ADGRL2: variants seen among roughly 807,000 people sequenced by gnomAD.
The protein encoded by ADGRL2 is calcium-independent alpha-latrotoxin receptor 2.
ADGRL2 carries 44 observed loss-of-function variants against 157.4 expected under a neutral mutation model. The ratio of observed to expected loss-of-function variants is 0.28; its 90% CI spans 0.22 to 0.36. The LOEUF (loss-of-function observed/expected upper bound fraction) is 0.36, where lower values mean the gene tolerates loss of function less well. Ranked by LOEUF, ADGRL2 falls within the 10% of genes least tolerant of loss-of-function variation. The pLI, the probability that ADGRL2 is intolerant of heterozygous loss-of-function variation, is 1.00. For missense variants in ADGRL2, 1,510 were observed against 1,768.9 expected, an observed-to-expected ratio of 0.85 and a Z score of 2.63; for synonymous variants, 585 against 624.7, an observed-to-expected ratio of 0.94 and a Z score of 0.95.
chr1:81,696,637 A>C (rs1455083880), upstream of ADGRL2, among the ~76,000 whole-genome samples: 1 of 152,166 alleles, frequency 6.6e-6, no homozygotes, highest in African/African-American at 2.4e-5. Flanking sequence ...CTGTAGTCCC[A>C]GCTACTCGGG....
At chr1:81,556,583 T>C (rs1364266623) in intron 2 of ADGRL2, among the ~76,000 whole-genome samples, 2 of 151,816 alleles carry the variant, frequency 1.3e-5, no homozygotes, top group South Asian at 2.1e-4. Context: ...AACTGTGTTG[T>C]CACACTAACA....
At chr1:81,314,204 C>G (rs570239171) in intron 1 of ADGRL2, among the ~76,000 whole-genome samples, 6 of 152,122 alleles carry the variant, frequency 3.9e-5, no homozygotes, top group Non-Finnish European at 8.8e-5. Context: ...ACTGCTGTGA[C>G]GTAATCTTCA....
At chr1:81,606,406 TACAGAC>T (rs2081432034) in intron 3 of ADGRL2, among the ~76,000 whole-genome samples, 1 of 152,076 alleles carries the variant, frequency 6.6e-6, no homozygotes, top group Admixed American at 6.6e-5. Flanking sequence ...TATCAAAGAT[TACAGAC>T]ACCTGAAACA....
At chr1:81,417,944 T>C (rs1166693506) in intron 1 of ADGRL2, among the ~76,000 whole-genome samples, 2 of 152,298 alleles carry the variant, frequency 1.3e-5, no homozygotes, top group Non-Finnish European at 2.9e-5. Flanking sequence ...ACTTTTACTA[T>C]ATTTCTTCTT....
intron 3 of ADGRL2, chr1:81,596,239 C>A: frequency 3.4e-6 from 2 of 579,832 alleles, no homozygotes; most frequent in East Asian, 4.3e-5. Flanking sequence ...CTGTGCAAGT[C>A]AATGAGTCGC....
Position 81,966,114 on chromosome 1 carries a change from C to T in ADGRL2, c.2074C>T (p.Leu692=). The T allele has an allele frequency of 6.2e-7, 1 of 1,613,858 alleles. No individual in the cohort carries two copies. The change falls in exon 12 of 24, where the codon CTG becomes TTG. Residue 692 remains leucine (L), a synonymous_variant. Transcript: ENST00000686636. ...EGQIQDFKFP[L]GIKGAGSSIQ... Reference sequence around the variant, plus strand: ...ACAGATCCAAGACTTTAAATTTCCTCTGGGCATCAAAGGAGCAGGCAGCTC... The same window carrying T: ...ACAGATCCAAGACTTTAAATTTCCTTTGGGCATCAAAGGAGCAGGCAGCTC...
intron 2 of ADGRL2, chr1:81,501,805 G>GCAGCAA: frequency 1.9e-6 from 3 of 1,602,952 alleles, no homozygotes; most frequent in Non-Finnish European, 2.6e-6. Context: ...AGCAGCAGCA[G>GCAGCAA]CAGCAACAGC....
chr1:81,756,517 T>G (rs1047880380), intron 1 of ADGRL2, among the ~76,000 whole-genome samples: 2 of 152,170 alleles, frequency 1.3e-5, no homozygotes, highest in Non-Finnish European at 2.9e-5. Context: ...AGTGGGTAGA[T>G]GTGAGGGTGC....
In ADGRL2 at chr1:81,992,047, T is replaced by A. The variant is rs532191770; in HGVS notation, c.*902T>A. 2.0e-5 allele frequency: 3 copies of A among 152,562 alleles called. No homozygotes were observed. The highest frequency in any genetic ancestry group is 4.4e-5 in the Non-Finnish European group (3 of 68,030). 9.5% of individuals were successfully genotyped at this position (152,562 alleles called of 1,614,324 possible). ...TGTTTTATGGGGAGAAACAAACTCT[T>A]TGAAGCCAGTTATGTCATGCCTTGC... is the stretch of plus-strand genomic sequence containing the variant. On this transcript the variant is annotated 3_prime_UTR_variant, in exon 24 of 24. Coordinates refer to ENST00000686636, the MANE Select transcript of ADGRL2 (RefSeq NM_001366006.2).
chr1:81,310,102 T>TAC (rs1480921200), intron 1 of ADGRL2, among the ~76,000 whole-genome samples: 1 of 152,100 alleles, frequency 6.6e-6, no homozygotes, highest in Non-Finnish European at 1.5e-5. Context: ...CCAGCCAAAA[T>TAC]ACACCAGCAC....
At chr1:81,792,362 C>T (rs999485281) in intron 2 of ADGRL2, among the ~76,000 whole-genome samples, 1 of 152,248 alleles carries the variant, frequency 6.6e-6, no homozygotes, top group African/African-American at 2.4e-5. Context: ...CCAAGTCACA[C>T]TGGTGATGTC....
chr1:81,926,718 G>A (rs2095115772), intron 3 of ADGRL2, among the ~76,000 whole-genome samples: 1 of 151,834 alleles, frequency 6.6e-6, no homozygotes, highest in Non-Finnish European at 1.5e-5. Flanking sequence ...TCATTAAGTA[G>A]TTAGACCTGA....
At chr1:81,704,759 T>C (rs980121899) in intron 1 of ADGRL2, among the ~76,000 whole-genome samples, 1 of 152,196 alleles carries the variant, frequency 6.6e-6, no homozygotes, top group African/African-American at 2.4e-5. Flanking sequence ...ACCAAAGATA[T>C]CTTGAGGAGC....
intron 2 of ADGRL2, among the ~76,000 whole-genome samples, chr1:81,448,137 C>CTTTTTTTTTTTTTTTTTTTTTTT (rs1168945231): frequency 6.0e-5 from 5 of 83,502 alleles, no homozygotes; most frequent in Non-Finnish European, 1.1e-4. Context: ...TTCTTTCTTT[C>CTTTTTTTTTTTTTTTTTTTTTTT]TTTTTTTTTT....
At chr1:81,819,324 CT>C (rs1172120109) in intron 1 of ADGRL2, among the ~76,000 whole-genome samples, 4 of 151,968 alleles carry the variant, frequency 2.6e-5, no homozygotes, top group Non-Finnish European at 5.9e-5. Context: ...CCAGCCAAGT[CT>C]TTTATGTATT....
intron 1 of ADGRL2, among the ~76,000 whole-genome samples, chr1:81,406,541 A>C (rs932715532): frequency 6.6e-6 from 1 of 152,216 alleles, no homozygotes; most frequent in African/African-American, 2.4e-5. Context: ...AGCTAGGGTC[A>C]GAGAAACGCA....
intron 17 of ADGRL2, 50 bp downstream of exon 17, chr1:81,971,968 G>A (rs752467918): frequency 1.0e-5 from 12 of 1,192,894 alleles, no homozygotes; most frequent in Non-Finnish European, 1.5e-5. Context: ...CTTTAGCAGT[G>A]CTATTCAAAC....
intron 6 of ADGRL2, among the ~76,000 whole-genome samples, chr1:81,946,654 A>G (rs2149005178): frequency 6.6e-6 from 1 of 152,250 alleles, no homozygotes; most frequent in East Asian, 1.9e-4. Flanking sequence ...CTTCTGTAAT[A>G]CCAGGAAAAA....
At chr1:81,473,248 G>A (rs917156610) in intron 2 of ADGRL2, among the ~76,000 whole-genome samples, 2 of 152,136 alleles carry the variant, frequency 1.3e-5, no homozygotes, top group East Asian at 1.9e-4. Context: ...GGCAGAGGTC[G>A]TGAGTAAGAA....
Sources: gnomAD v4.1 joint callset for allele counts (sites outside exome capture counted in the v4.1 genomes callset) on GRCh38, gnomAD v4.1.1 for gene constraint, MANE v1.5 for transcripts, NCBI Gene and HGNC (gene_info 2026-07-23, HGNC 2026-07-21) for gene names.